Variants in INTS13 observed in about 807,000 individuals in gnomAD.
The protein encoded by INTS13 is integrator complex subunit 13.
A neutral mutation model predicts 90.2 loss-of-function variants in INTS13; 35 were observed. That is an observed-to-expected ratio of 0.39 (90% confidence interval 0.30 to 0.51). The LOEUF is 0.51. INTS13 is among the 20% of genes least tolerant of loss of function. INTS13 has a pLI of 0.80. For synonymous variants in INTS13, 309 were observed against 277.1 expected (o/e 1.11, Z -1.14); for missense variants, 601 against 851.2 (o/e 0.71, Z 3.66).
chr12:26,905,433 C>G lies in INTS13; in HGVS notation c.*64G>C. 1 of 1,468,780 alleles carries G rather than the reference C, an allele frequency of 6.8e-7. No individual in the cohort carries two copies. The highest frequency in any genetic ancestry group is 9.5e-7 in the Non-Finnish European group (1 of 1,056,724). The allele number at this position is 1,468,780 out of a possible 1,614,324, so 91.0% of individuals were successfully genotyped here. ...ACTATACCATCTTGCTGTAAAAGTA[C>G]TTATATCGAATTCCGCACAAAATAT... is the stretch of plus-strand genomic sequence containing the variant. On this transcript the variant is annotated 3_prime_UTR_variant, in exon 17 of 17. Transcript: ENST00000261191.
chr12:26,911,079 C>A, intron 15 of INTS13, 99 bp downstream of exon 15: 1 of 1,333,018 alleles, frequency 7.5e-7, no homozygotes, highest in Middle Eastern at 1.9e-4. Context: ...AGGTGATCTG[C>A]TTGCCTCAGC....
chr12:26,936,962 GT>G, intron 1 of INTS13, 148 bp from the exon 2 acceptor site: 1 of 618,320 alleles, frequency 1.6e-6, no homozygotes. Flanking sequence ...ACAAAGGACA[GT>G]TTAATGAGGT....
At chr12:26,936,010 A>G (rs928758769) in intron 2 of INTS13, among the ~76,000 whole-genome samples, 1 of 152,200 alleles carries the variant, frequency 6.6e-6, no homozygotes, top group Non-Finnish European at 1.5e-5. Flanking sequence ...TCTTAAAAGT[A>G]TTTCTTTCTA....
chr12:26,924,572 TTAAG>T lies in INTS13; in HGVS notation c.676-93_676-90del, dbSNP rs1239752351. The stretch of plus-strand genomic sequence containing the variant: ...ATATTTTAGTATAAATCCATTAAAA[TTAAG>T]TATTTTTAACTTTTTAGAAGTTGGA... On this transcript the variant is annotated intron_variant, in intron 6 of 16. Coordinates refer to ENST00000261191, the MANE Select transcript of INTS13 (RefSeq NM_018164.3). 6 of 1,329,396 alleles carry T rather than the reference TTAAG, an allele frequency of 4.5e-6. No individual in the cohort carries two copies. The Admixed American group carries it at 1.6e-4, about 36-fold the overall frequency. The allele number at this position is 1,329,396 out of a possible 1,614,324, so 82.4% of individuals were successfully genotyped here.
At position 26,925,520 on chromosome 12, in the gene INTS13, T is replaced by C. The variant is rs73082801; in HGVS notation, c.675+241A>G. On this transcript the variant is annotated intron_variant, in intron 6 of 16. Transcript: ENST00000261191. The stretch of plus-strand genomic sequence containing the variant: ...GGAACAATACAAACTATGTATGGTT[T>C]GTAACACATTTTGATAAAATAAACA... Among the ~76,000 whole-genome samples the C allele has an allele frequency of 6.3e-3, 959 of 152,252 alleles. 1 individual carries two copies. Among genetic ancestry groups the C allele is most frequent in the Non-Finnish European group, 0.011 (756 of 67,982 alleles).
chr12:26,920,787 C>A (rs985250033), intron 8 of INTS13, among the ~76,000 whole-genome samples: 9 of 152,168 alleles, frequency 5.9e-5, no homozygotes, highest in South Asian at 2.1e-4. Flanking sequence ...AAAACAAGTT[C>A]TCTATATTCC....
intron 13 of INTS13, 91 bp from the exon 14 acceptor site, chr12:26,913,778 C>A: frequency 8.1e-7 from 1 of 1,232,524 alleles, no homozygotes; most frequent in Admixed American, 2.2e-5. Context: ...ATGTGGACTT[C>A]CTTCCTCTTA....
Position 26,928,858 on chromosome 12 carries a change from A to G in INTS13, c.348T>C (p.Asp116=). 6.2e-7 allele frequency: 1 copy of G among 1,614,228 alleles called. No homozygotes were observed. Among genetic ancestry groups the G allele is most frequent in the Non-Finnish European group, 8.5e-7 (1 of 1,180,036 alleles). The change falls in exon 4 of 17, where the codon GAT becomes GAC. Residue 116 remains aspartate, a synonymous_variant. Transcript: ENST00000261191. The stretch of plus-strand genomic sequence containing the variant: ...CATGCAGAATACTGCAGCACTCTGG[A>G]TCTGCCCGAGGATTAGGAGGCCCAA... ...AAVGPPNPRA[D]PECCSILHGL...
chr12:26,912,385 C>T (rs1190043524), intron 14 of INTS13, among the ~76,000 whole-genome samples: 1 of 152,002 alleles, frequency 6.6e-6, no homozygotes, highest in Non-Finnish European at 1.5e-5. Context: ...TGCAGTGAGT[C>T]GAGATCATGC....
At position 26,905,424 on chromosome 12, in the gene INTS13, G is replaced by T. The variant is rs1227488573; in HGVS notation, c.*73C>A. 5.7e-6 allele frequency: 8 copies of T among 1,403,662 alleles called. No individual in the cohort carries two copies. The highest frequency in any genetic ancestry group is 8.0e-6 in the Non-Finnish European group (8 of 1,001,084). The allele number at this position is 1,403,662 out of a possible 1,614,324, so 87.0% of individuals were successfully genotyped here. A position where few individuals can be genotyped will look rare whatever the true frequency, so the allele number is the denominator to read the frequency against. Reference sequence around the variant, plus strand: ...GGCAACATAACTATACCATCTTGCTGTAAAAGTACTTATATCGAATTCCGC... The same window carrying T: ...GGCAACATAACTATACCATCTTGCTTTAAAAGTACTTATATCGAATTCCGC... On this transcript the variant is annotated 3_prime_UTR_variant, in exon 17 of 17. Transcript: ENST00000261191.
intron 15 of INTS13, among the ~76,000 whole-genome samples, chr12:26,908,537 GT>G (rs566427446): frequency 9.8e-4 from 141 of 143,568 alleles, no homozygotes; most frequent in African/African-American, 2.6e-3. Flanking sequence ...GGTTATTTTG[GT>G]TTTTTTTTTT....
intron 6 of INTS13, 37 bp from the exon 7 acceptor site, chr12:26,924,520 TATTA>T: frequency 6.4e-7 from 1 of 1,564,832 alleles, no homozygotes; most frequent in Non-Finnish European, 8.7e-7. Context: ...ATCCACAAAA[TATTA>T]ATTCATTGTG....
intron 8 of INTS13, 73 bp from the exon 9 acceptor site, chr12:26,917,806 G>C: frequency 3.3e-6 from 2 of 599,532 alleles, no homozygotes; most frequent in Non-Finnish European, 3.0e-6. Context: ...CCATAAATAT[G>C]TACAATTATG....
At chr12:26,935,220 G>A (rs1592236219) in intron 2 of INTS13, among the ~76,000 whole-genome samples, 1 of 152,194 alleles carries the variant, frequency 6.6e-6, no homozygotes, top group Non-Finnish European at 1.5e-5. Context: ...TGGTCTTTAC[G>A]CTAAGTTTTA....
intron 4 of INTS13, 150 bp downstream of exon 4, chr12:26,928,553 G>GAAA: frequency 1.4e-6 from 1 of 711,628 alleles, no homozygotes; most frequent in African/African-American, 1.9e-5. Context: ...ATATTAAAAG[G>GAAA]CAAAAAAAAA....
At chr12:26,923,038 T>TA (rs1443117520) in intron 7 of INTS13, among the ~76,000 whole-genome samples, 1 of 152,134 alleles carries the variant, frequency 6.6e-6, no homozygotes, top group African/African-American at 2.4e-5. Flanking sequence ...GTAATTGAAA[T>TA]AATTTACATA....
chr12:26,927,715 A>G (rs929990340), intron 5 of INTS13, among the ~76,000 whole-genome samples: 1 of 152,202 alleles, frequency 6.6e-6, no homozygotes, highest in Non-Finnish European at 1.5e-5. Context: ...TCCCAGGCTC[A>G]AGCAATTTTC....
In INTS13 at chr12:26,936,830, CAT is replaced by C. The variant is rs1438634144; in HGVS notation, c.-11-18_-11-17del. ...TTGTTTTAACCTGTAAGGGGAAAAA[CAT>C]ATTAGCCAAATATTTGTACATAACA... On this transcript the variant is annotated splice_polypyrimidine_tract_variant and intron_variant, in intron 1 of 16. Transcript: ENST00000261191. 1.0e-5 allele frequency: 15 copies of C among 1,498,200 alleles called. No homozygotes were observed. The highest frequency in any genetic ancestry group is 1.3e-5 in the Non-Finnish European group (14 of 1,078,160). 92.8% of individuals were successfully genotyped at this position (1,498,200 alleles called of 1,614,324 possible).
intron 14 of INTS13, 110 bp from the exon 15 acceptor site, chr12:26,911,427 A>C: frequency 1.3e-5 from 12 of 925,792 alleles, no homozygotes; most frequent in Non-Finnish European, 1.5e-5. Context: ...GGCTAATCTC[A>C]TAAAATAAAC....
Sources: allele counts gnomAD v4.1 joint callset (sites outside exome capture counted in the v4.1 genomes callset), GRCh38; gene constraint gnomAD v4.1.1; transcripts MANE v1.5; gene names NCBI Gene and HGNC (gene_info 2026-07-23, HGNC 2026-07-21).